Variants in LINGO1 observed in about 807,000 individuals in gnomAD.
The protein encoded by LINGO1 is leucine rich repeat and Ig domain containing 1, also known as leucine-rich repeat and immunoglobulin-like domain-containing nogo receptor-interacting protein 1.
LINGO1 carries 11 observed loss-of-function variants against 37.3 expected under a neutral mutation model. The observed-to-expected ratio is 0.29, with a 90% CI of 0.19 to 0.49. The LOEUF (loss-of-function observed/expected upper bound fraction) is 0.49, where lower values mean the gene tolerates loss of function less well. LINGO1 is among the 20% of genes least tolerant of loss of function. LINGO1 has a pLI of 0.99. For missense variants in LINGO1, 585 were observed against 878.2 expected (o/e 0.67, Z 4.22); for synonymous variants, 387 against 403.0 (o/e 0.96, Z 0.48).
Position 77,615,355 on chromosome 15 carries a change from G to A in LINGO1, c.552C>T (p.His184=). 3 of 1,613,992 alleles carry A rather than the reference G, an allele frequency of 1.9e-6. No homozygotes were observed. Among genetic ancestry groups the A allele is most frequent in the Non-Finnish European group, 2.5e-6 (3 of 1,179,912 alleles). ...VGDNDLVYIS[H]RAFSGLNSLE... The stretch of plus-strand genomic sequence containing the variant: ...GGCTGTTGAGGCCGCTGAAGGCGCG[G>A]TGAGAGATGTAGACGAGGTCATTGT... Residue 184 remains histidine (H), a synonymous_variant, in exon 2 of 2, where the codon CAC becomes CAT. Coordinates refer to ENST00000355300, the MANE Select transcript of LINGO1 (RefSeq NM_032808.7).
chr15:77,762,678 GCCT>G (rs1204370751), intron 1 of LINGO1, among the ~76,000 whole-genome samples: 2 of 152,090 alleles, frequency 1.3e-5, no homozygotes, highest in African/African-American at 4.8e-5. Context: ...CAAACTCTCA[GCCT>G]CCTATCTATC....
chr15:77,768,518 G>C (rs2076552470), intron 1 of LINGO1, among the ~76,000 whole-genome samples: 1 of 152,186 alleles, frequency 6.6e-6, no homozygotes, highest in South Asian at 2.1e-4. Flanking sequence ...GAGCCATGAA[G>C]GAAGAGAACC....
At position 77,667,297 on chromosome 15, in the gene LINGO1, C is replaced by G. The variant is rs371689254; in HGVS notation, c.-13+9792G>C. 1.8e-4 allele frequency among the ~76,000 whole-genome samples: 27 copies of G among 152,314 alleles called. No individual in the cohort carries two copies. The East Asian group carries it at 2.7e-3, about 15-fold the overall frequency. On this transcript the variant is annotated intron_variant, in intron 3 of 3. Coordinates refer to the LINGO1 transcript ENST00000559893. ...TGAGGAGCTGCTCTCCCACCTCCGG[C>G]TATCTGGATGGCCCTCAATGGAGCC...
At chr15:77,728,227 C>T (rs2076121849) in intron 2 of LINGO1, among the ~76,000 whole-genome samples, 1 of 152,242 alleles carries the variant, frequency 6.6e-6, no homozygotes, top group Non-Finnish European at 1.5e-5. Flanking sequence ...TAGGCAGCTG[C>T]CTCTCCCACT....
intron 1 of LINGO1, among the ~76,000 whole-genome samples, chr15:77,779,564 C>G (rs2076694659): frequency 6.6e-6 from 1 of 152,000 alleles, no homozygotes; most frequent in African/African-American, 2.4e-5. Flanking sequence ...AAGGAGAGTG[C>G]TACCTAGATC....
At chr15:77,622,834 A>C (rs890971481) in intron 1 of LINGO1, among the ~76,000 whole-genome samples, 1 of 152,184 alleles carries the variant, frequency 6.6e-6, no homozygotes, top group Non-Finnish European at 1.5e-5. Flanking sequence ...GGCCTTCAGA[A>C]GCAGCTCAGG....
chr15:77,806,606 G>A (rs560574083), intron 1 of LINGO1, among the ~76,000 whole-genome samples: 17 of 152,096 alleles, frequency 1.1e-4, no homozygotes, highest in Non-Finnish European at 2.2e-4. Context: ...AACTGTAAAG[G>A]GCTATACACT....
intron 2 of LINGO1, among the ~76,000 whole-genome samples, chr15:77,721,435 C>T (rs944657484): frequency 6.6e-6 from 1 of 152,174 alleles, no homozygotes; most frequent in Non-Finnish European, 1.5e-5. Flanking sequence ...CCTTCCCTGC[C>T]TCCCCGACCT....
rs2074273213 is a variant in LINGO1 at position 77,632,143 on chromosome 15, A to G, written c.6+167T>C. On this transcript the variant is annotated intron_variant, in intron 1 of 1. Coordinates refer to ENST00000355300, the MANE Select transcript of LINGO1 (RefSeq NM_032808.7). The surrounding 1 kb of genome is among the most constrained non-coding windows in gnomAD (Gnocchi z 6.0). ...GGGAGGTGGAAAAGGAAGAATTTTCATTTCTGAGGCTTGAGGGGAAATCAG... is the reference window on the plus strand; with the variant it reads ...GGGAGGTGGAAAAGGAAGAATTTTCGTTTCTGAGGCTTGAGGGGAAATCAG... 6.6e-6 allele frequency among the ~76,000 whole-genome samples: 1 copy of G among 152,088 alleles called. No homozygotes were observed. Among genetic ancestry groups the G allele is most frequent in the South Asian group, 2.1e-4 (1 of 4,826 alleles).
intron 3 of LINGO1, among the ~76,000 whole-genome samples, chr15:77,675,339 T>C (rs970045624): frequency 6.6e-6 from 1 of 152,160 alleles, no homozygotes; most frequent in Non-Finnish European, 1.5e-5. Context: ...AGAGGTTCCC[T>C]GAGTGAAGTT....
intron 1 of LINGO1, among the ~76,000 whole-genome samples, chr15:77,691,755 A>AAG (rs1395168272): frequency 1.3e-5 from 2 of 151,984 alleles, no homozygotes; most frequent in African/African-American, 4.8e-5. Context: ...CACCCCTGCC[A>AAG]AGAGAGTATT....
At chr15:77,779,315 G>A (rs964743380) in intron 1 of LINGO1, among the ~76,000 whole-genome samples, 1 of 152,086 alleles carries the variant, frequency 6.6e-6, no homozygotes, top group Non-Finnish European at 1.5e-5. Flanking sequence ...CCAGTTTCGT[G>A]GAAGACAATT....
chr15:77,708,549 G>C lies in LINGO1; in HGVS notation c.-194-17648C>G, dbSNP rs533138133. Among the ~76,000 whole-genome samples, 5 of 152,200 alleles carry C rather than the reference G, an allele frequency of 3.3e-5. No homozygotes were observed. In the South Asian group the frequency reaches 8.3e-4, roughly 25 times the overall value. On this transcript the variant is annotated intron_variant, in intron 2 of 3. Transcript: ENST00000561686. ...AATAGGGTCTTTGCAGAGGTAATTAGTTACAAGGAGGTCATACTGGAATAG... is the reference window on the plus strand; with the variant it reads ...AATAGGGTCTTTGCAGAGGTAATTACTTACAAGGAGGTCATACTGGAATAG...
intron 1 of LINGO1, among the ~76,000 whole-genome samples, chr15:77,742,596 C>T (rs2076275140): frequency 6.6e-6 from 1 of 152,210 alleles, no homozygotes; most frequent in African/African-American, 2.4e-5. Flanking sequence ...GGGATTCTGC[C>T]TCATCCAGGA....
chr15:77,622,380 A>G, intron 1 of LINGO1, among the ~76,000 whole-genome samples: 1 of 152,124 alleles, frequency 6.6e-6, no homozygotes, highest in East Asian at 1.9e-4. Context: ...AGGCACAACT[A>G]CGTTCCCAGC....
upstream of LINGO1, among the ~76,000 whole-genome samples, chr15:77,701,084 G>A (rs2075776734): frequency 6.6e-6 from 1 of 152,176 alleles, no homozygotes; most frequent in South Asian, 2.1e-4. Flanking sequence ...TGAAGAAACT[G>A]AGGCTCTGAG....
chr15:77,718,885 G>A (rs1467930964), intron 2 of LINGO1, among the ~76,000 whole-genome samples: 3 of 150,774 alleles, frequency 2.0e-5, no homozygotes, highest in Non-Finnish European at 3.0e-5. Flanking sequence ...TCAACCAGGT[G>A]GTAGGGCGAG....
intron 3 of LINGO1, among the ~76,000 whole-genome samples, chr15:77,663,244 G>A (rs994014116): frequency 3.3e-5 from 5 of 152,234 alleles, no homozygotes; most frequent in African/African-American, 9.7e-5. Context: ...TGTGCGGTGC[G>A]AGGGCGGAAG....
At chr15:77,695,274 A>G (rs2075671749) in intron 1 of LINGO1, among the ~76,000 whole-genome samples, 1 of 152,032 alleles carries the variant, frequency 6.6e-6, no homozygotes, top group Admixed American at 6.5e-5. Flanking sequence ...CAGCCCGGTG[A>G]GCAGATGGGG....
Sources: allele counts gnomAD v4.1 joint callset (sites outside exome capture counted in the v4.1 genomes callset), GRCh38; gene constraint gnomAD v4.1.1; non-coding constraint Gnocchi (gnomAD v3.1); transcripts MANE v1.5; gene names NCBI Gene and HGNC (gene_info 2026-07-23, HGNC 2026-07-21).